SLC49A4: variants seen among roughly 807,000 people sequenced by gnomAD.
SLC49A4 encodes the protein solute carrier family 49 member 4.
In SLC49A4, 36 loss-of-function variants were observed where a neutral mutation model predicts 50.6. The observed-to-expected ratio is 0.71, with a 90% CI of 0.55 to 0.94. The LOEUF (loss-of-function observed/expected upper bound fraction) is 0.94. Ranked by LOEUF, SLC49A4 falls within the 40% of genes least tolerant of loss-of-function variation. The pLI, the probability that SLC49A4 is intolerant of heterozygous loss-of-function variation, is 0.00. For synonymous variants in SLC49A4, 248 were observed against 241.2 expected (o/e 1.03, Z -0.26); for missense variants, 503 against 605.7 (o/e 0.83, Z 1.78).
At chr3:122,823,381 C>T (rs575588446) in intron 2 of SLC49A4, among the ~76,000 whole-genome samples, 8 of 152,362 alleles carry the variant, frequency 5.3e-5, no homozygotes, top group African/African-American at 1.9e-4. Context: ...AGAAGAAGGA[C>T]ATGCAGAGAC....
At chr3:122,832,216 T>G (rs1459677716) in intron 3 of SLC49A4, among the ~76,000 whole-genome samples, 1 of 152,168 alleles carries the variant, frequency 6.6e-6, no homozygotes, top group Non-Finnish European at 1.5e-5. Flanking sequence ...AATTACAAGC[T>G]AATTAATGGC....
chr3:122,803,467 T>C (rs1481499258), intron 1 of SLC49A4, among the ~76,000 whole-genome samples: 1 of 152,202 alleles, frequency 6.6e-6, no homozygotes, highest in Non-Finnish European at 1.5e-5. Context: ...CCTGTGAATC[T>C]TGAATCTTTT....
rs1419770649 is a variant in SLC49A4 at position 122,806,826 on chromosome 3, A to G, written c.344-31A>G. 3.0e-6 allele frequency: 4 copies of G among 1,333,048 alleles called. No homozygotes were observed. In the African/African-American group the frequency reaches 5.8e-5, roughly 19 times the overall value. The allele number at this position is 1,333,048 out of a possible 1,614,324, so 82.6% of individuals were successfully genotyped here. ...TAACATTGGACTTAGGAGAAAATCA[A>G]GATAATTTCAATGTCTTTGTTTCAT... On this transcript the variant is annotated intron_variant, in intron 1 of 8. Transcript: ENST00000261038.
intron 5 of SLC49A4, among the ~76,000 whole-genome samples, chr3:122,847,506 G>A (rs571470492): frequency 3.6e-4 from 54 of 151,906 alleles, no homozygotes; most frequent in South Asian, 1.0e-3. Flanking sequence ...TCCCACACCC[G>A]GCTAATTTTT....
intron 2 of SLC49A4, among the ~76,000 whole-genome samples, chr3:122,824,595 T>A (rs1490563290): frequency 6.6e-6 from 1 of 151,878 alleles, no homozygotes; most frequent in Non-Finnish European, 1.5e-5. Flanking sequence ...TTCTTTCCTG[T>A]CTTTCCTTTC....
rs1480054821 is a variant in SLC49A4, at chr3:122,842,473, G to GA, written c.834-3289dup. 2.8e-5 allele frequency among the ~76,000 whole-genome samples: 3 copies of GA among 107,192 alleles called. No individual in the cohort carries two copies. The East Asian group carries it at 9.0e-4, about 32-fold the overall frequency. 70.3% of individuals were successfully genotyped at this position (107,192 alleles called of 152,430 possible). On this transcript the variant is annotated intron_variant, in intron 4 of 8. Transcript: ENST00000261038. ...TGCACTCCAGCCTGGGCGACAGAGCGAGACTCCGTCTCAAAAAAAAAAAAA... is the reference window on the plus strand; with the variant it reads ...TGCACTCCAGCCTGGGCGACAGAGCGAAGACTCCGTCTCAAAAAAAAAAAAA...
rs139370450 is a variant in SLC49A4 at position 122,849,232 on chromosome 3, A to T, written c.942+3361A>T. Among the ~76,000 whole-genome samples, 9 of 152,270 alleles carry T rather than the reference A, an allele frequency of 5.9e-5. No individual in the cohort carries two copies. The East Asian group carries it at 1.3e-3, about 23-fold the overall frequency. On this transcript the variant is annotated intron_variant, in intron 5 of 8. Coordinates refer to ENST00000261038, the MANE Select transcript of SLC49A4 (RefSeq NM_032839.3). ...GTTGATGACACTTAGGTTGTTTCCA[A>T]ACCTTGGCTATTGTGCTGCAATAAA...
chr3:122,863,323 A>G (rs746993277), intron 7 of SLC49A4, among the ~76,000 whole-genome samples: 1 of 152,202 alleles, frequency 6.6e-6, no homozygotes, highest in Non-Finnish European at 1.5e-5. Flanking sequence ...GTTTTGTGCC[A>G]ACTCCCACTG....
At position 122,795,107 on chromosome 3, in the gene SLC49A4, C is replaced by T. The variant is rs1207276392; in HGVS notation, c.-86C>T. 4.1e-6 allele frequency: 5 copies of T among 1,225,212 alleles called. No homozygotes were observed. In the African/African-American group the frequency reaches 7.8e-5, roughly 19 times the overall value. The allele number at this position is 1,225,212 out of a possible 1,614,324, so 75.9% of individuals were successfully genotyped here. A position where few individuals can be genotyped will look rare whatever the true frequency, so the allele number is the denominator to read the frequency against. ...AGGGCGACCACAGCAGCCTCCGCCT[C>T]CTGCTGCTCAGGACTATTCTGCGCT... On this transcript the variant is annotated 5_prime_UTR_variant, in exon 1 of 9. Transcript: ENST00000261038.
At chr3:122,830,890 G>A (rs1936598910) in intron 3 of SLC49A4, among the ~76,000 whole-genome samples, 1 of 151,964 alleles carries the variant, frequency 6.6e-6, no homozygotes, top group South Asian at 2.1e-4. Context: ...ATCTGATAAG[G>A]GACTTATATT....
At position 122,829,075 on chromosome 3, in the gene SLC49A4, C is replaced by G. The variant is rs139110721; in HGVS notation, c.703+2010C>G. On this transcript the variant is annotated intron_variant, in intron 3 of 8. Transcript: ENST00000261038. ...ATTCAAAATACTGTACTAGAATTGT[C>G]ATTTTAAAAAGTTAGAGATTCTTAA... Among the ~76,000 whole-genome samples, 1,106 of 152,258 alleles carry G rather than the reference C, an allele frequency of 7.3e-3. 10 individuals carry two copies. The highest frequency in any genetic ancestry group is 0.025 in the African/African-American group (1,049 of 41,560).
At position 122,809,599 on chromosome 3, in the gene SLC49A4, T is replaced by C. The variant is rs1936272002; in HGVS notation, c.437+2649T>C. Among the ~76,000 whole-genome samples, 5 of 152,178 alleles carry C rather than the reference T, an allele frequency of 3.3e-5. No homozygotes were observed. In the South Asian group the frequency reaches 1.0e-3, roughly 32 times the overall value. The stretch of plus-strand genomic sequence containing the variant: ...ATTTTTGCTAGTTTTTCTTCTGTTT[T>C]GGGCCATCCATACTATTACTTGCCT... On this transcript the variant is annotated intron_variant, in intron 2 of 8. Transcript: ENST00000261038.
chr3:122,840,685 A>G (rs763520305), intron 4 of SLC49A4, among the ~76,000 whole-genome samples: 16 of 152,196 alleles, frequency 1.1e-4, no homozygotes, highest in Non-Finnish European at 2.4e-4. Flanking sequence ...CAATTTGGAC[A>G]TTAAATTTTT....
At position 122,795,089 on chromosome 3, in the gene SLC49A4, C is replaced by A; in HGVS notation, c.-104C>A. ...GGCGCGGTCCGGAGGCCGAGGGCGACCACAGCAGCCTCCGCCTCCTGCTGC... is the reference window on the plus strand; with the variant it reads ...GGCGCGGTCCGGAGGCCGAGGGCGAACACAGCAGCCTCCGCCTCCTGCTGC... On this transcript the variant is annotated 5_prime_UTR_variant, in exon 1 of 9. Transcript: ENST00000261038. 2 of 1,203,222 alleles carry A rather than the reference C, an allele frequency of 1.7e-6. No homozygotes were observed. Among genetic ancestry groups the A allele is most frequent in the Non-Finnish European group, 2.1e-6 (2 of 964,598 alleles). 74.5% of individuals were successfully genotyped at this position (1,203,222 alleles called of 1,614,324 possible). A position where few individuals can be genotyped will look rare whatever the true frequency, so the allele number is the denominator to read the frequency against.
At chr3:122,832,505 A>C (rs891591560) in intron 3 of SLC49A4, among the ~76,000 whole-genome samples, 2 of 152,118 alleles carry the variant, frequency 1.3e-5, no homozygotes, top group African/African-American at 4.8e-5. Flanking sequence ...TTCTTGTTCA[A>C]ATTTTCCATA....
chr3:122,849,065 G>C (rs1204163745), intron 5 of SLC49A4, among the ~76,000 whole-genome samples: 1 of 152,124 alleles, frequency 6.6e-6, no homozygotes, highest in Non-Finnish European at 1.5e-5. Context: ...TGCAATGTTT[G>C]TCTTTCTATA....
chr3:122,871,908 A>G (rs1388043442), intron 7 of SLC49A4, among the ~76,000 whole-genome samples: 3 of 152,078 alleles, frequency 2.0e-5, no homozygotes, highest in Admixed American at 2.0e-4. Flanking sequence ...TTGACCTAAA[A>G]CCCATTCCAA....
At chr3:122,802,565 T>G (rs1396486314) in intron 1 of SLC49A4, among the ~76,000 whole-genome samples, 1 of 152,304 alleles carries the variant, frequency 6.6e-6, no homozygotes, top group South Asian at 2.1e-4. Flanking sequence ...TCACACAGGC[T>G]GGGAATAGTT....
At chr3:122,819,347 T>C (rs1345389258) in intron 2 of SLC49A4, among the ~76,000 whole-genome samples, 1 of 152,182 alleles carries the variant, frequency 6.6e-6, no homozygotes, top group Non-Finnish European at 1.5e-5. Context: ...TTAATAAATT[T>C]AGTTAAGACT....
Sources: allele counts gnomAD v4.1 joint callset (sites outside exome capture counted in the v4.1 genomes callset), GRCh38; gene constraint gnomAD v4.1.1; transcripts MANE v1.5; gene names NCBI Gene and HGNC (gene_info 2026-07-23, HGNC 2026-07-21).